Variants in CFDP1 observed in about 807,000 individuals in gnomAD.
CFDP1 encodes the protein heterochromatin-stabilizing protein CFDP1.
CFDP1 carries 31 observed loss-of-function variants against 40.1 expected under a neutral mutation model. The ratio of observed to expected loss-of-function variants is 0.77; its 90% CI spans 0.58 to 1.04. The LOEUF (loss-of-function observed/expected upper bound fraction) is 1.04. Ranked by LOEUF, CFDP1 falls within the 50% of genes least tolerant of loss-of-function variation. The pLI, the probability that CFDP1 is intolerant of heterozygous loss-of-function variation, is 0.00. For synonymous variants in CFDP1, 167 were observed against 120.0 expected, an observed-to-expected ratio of 1.39 and a Z score of -2.56; for missense variants, 423 against 343.4, an observed-to-expected ratio of 1.23 and a Z score of -1.83.
At chr16:75,337,500 C>T (rs1344866284) in intron 5 of CFDP1, among the ~76,000 whole-genome samples, 5 of 152,288 alleles carry the variant, frequency 3.3e-5, no homozygotes, top group South Asian at 2.1e-4. Context: ...TGTATTAGTC[C>T]GTTCTCACAC....
intron 4 of CFDP1, among the ~76,000 whole-genome samples, chr16:75,407,662 A>C (rs986929311): frequency 6.8e-6 from 1 of 147,222 alleles, no homozygotes; most frequent in African/African-American, 2.5e-5. Flanking sequence ...CTCAAAAAAA[A>C]AAAAAAAAAA....
intron 6 of CFDP1, among the ~76,000 whole-genome samples, chr16:75,296,604 C>T (rs879910321): frequency 2.6e-5 from 4 of 152,212 alleles, no homozygotes; most frequent in African/African-American, 4.8e-5. Context: ...AGGTCCTGCA[C>T]GTTCCCAGAA....
At chr16:75,394,993 TCA>T in intron 5 of CFDP1, 95 bp downstream of exon 5, 3 of 1,427,328 alleles carry the variant, frequency 2.1e-6, no homozygotes, top group Non-Finnish European at 2.9e-6. Context: ...ATTCTCTCTC[TCA>T]GGCAAGGAGT....
At chr16:75,359,491 T>C (rs566995911) in intron 5 of CFDP1, among the ~76,000 whole-genome samples, 3 of 152,350 alleles carry the variant, frequency 2.0e-5, no homozygotes, top group African/African-American at 7.2e-5. Context: ...TATTCAATGA[T>C]GCTGTTTTCC....
rs545468865 is a variant in CFDP1, at chr16:75,338,240, G to C, written c.651-33058C>G. On this transcript the variant is annotated intron_variant, in intron 5 of 6. Transcript: ENST00000283882. Reference sequence around the variant, plus strand: ...TCACTCTTGGGGAATGTGAAGCATGGGGGGGAAAAAGAGCCTCTGCCTGAG... The same window carrying C: ...TCACTCTTGGGGAATGTGAAGCATGCGGGGGAAAAAGAGCCTCTGCCTGAG... 2.3e-3 allele frequency among the ~76,000 whole-genome samples: 346 copies of C among 152,278 alleles called. 1 individual carries two copies. Among genetic ancestry groups the C allele is most frequent in the Non-Finnish European group, 4.0e-3 (270 of 68,030 alleles).
At chr16:75,404,211 G>A (rs556923430) in intron 4 of CFDP1, among the ~76,000 whole-genome samples, 2 of 151,348 alleles carry the variant, frequency 1.3e-5, no homozygotes, top group African/African-American at 4.8e-5. Flanking sequence ...GCCTTACAAT[G>A]AAGAATTCTG....
At chr16:75,369,999 CCTT>C (rs2078740239) in intron 5 of CFDP1, among the ~76,000 whole-genome samples, 1 of 152,182 alleles carries the variant, frequency 6.6e-6, no homozygotes, top group South Asian at 2.1e-4. Context: ...GTCTCAAACT[CCTT>C]ACCTCAAGTG....
intron 5 of CFDP1, among the ~76,000 whole-genome samples, chr16:75,390,861 A>G (rs2078943203): frequency 6.6e-6 from 1 of 152,182 alleles, no homozygotes; most frequent in Non-Finnish European, 1.5e-5. Flanking sequence ...GTAGTAATAG[A>G]GTCTCATTAT....
At chr16:75,393,592 G>A (rs935254919) in intron 5 of CFDP1, among the ~76,000 whole-genome samples, 2 of 151,292 alleles carry the variant, frequency 1.3e-5, no homozygotes, top group Non-Finnish European at 2.9e-5. Flanking sequence ...TTAGCCGGGC[G>A]CGGTGGCGGG....
chr16:75,430,979 G>T (rs1230191473), intron 1 of CFDP1, among the ~76,000 whole-genome samples: 1 of 152,136 alleles, frequency 6.6e-6, no homozygotes. Context: ...CCATTCAGAT[G>T]GTTGGGGGCG....
intron 5 of CFDP1, among the ~76,000 whole-genome samples, chr16:75,340,921 T>C (rs1395350678): frequency 2.0e-5 from 3 of 152,168 alleles, no homozygotes; most frequent in African/African-American, 7.2e-5. Context: ...CAGCTGGTAA[T>C]GGCTGGTTGT....
chr16:75,421,085 G>T (rs2079274434), intron 1 of CFDP1, among the ~76,000 whole-genome samples: 1 of 152,132 alleles, frequency 6.6e-6, no homozygotes, highest in Non-Finnish European at 1.5e-5. Flanking sequence ...CGGCCAGCCA[G>T]CAGACTAGGA....
intron 1 of CFDP1, among the ~76,000 whole-genome samples, chr16:75,432,898 C>T (rs1198131005): frequency 6.6e-6 from 1 of 152,004 alleles, no homozygotes; most frequent in African/African-American, 2.4e-5. Context: ...CTATCTTGGA[C>T]GGGGTGGTGG....
intron 4 of CFDP1, among the ~76,000 whole-genome samples, chr16:75,410,170 T>A (rs978300815): frequency 6.6e-6 from 1 of 151,512 alleles, no homozygotes; most frequent in African/African-American, 2.4e-5. Flanking sequence ...ACATTATTTT[T>A]AAGAATAACA....
chr16:75,378,641 C>T (rs781673250), intron 5 of CFDP1, among the ~76,000 whole-genome samples: 8 of 152,008 alleles, frequency 5.3e-5, no homozygotes, highest in Admixed American at 6.5e-5. Context: ...GTAAAACTGA[C>T]GATGAGGGAG....
At chr16:75,389,087 T>G in intron 5 of CFDP1, among the ~76,000 whole-genome samples, 1 of 152,126 alleles carries the variant, frequency 6.6e-6, no homozygotes, top group African/African-American at 2.4e-5. Flanking sequence ...AAGGGTAGGA[T>G]TACAAATTTT....
At chr16:75,397,810 T>A (rs11862719) in intron 4 of CFDP1, among the ~76,000 whole-genome samples, 78,596 of 151,760 alleles carry the variant, frequency 0.52, 21,396 homozygotes, top group Admixed American at 0.64. Context: ...TCTCAAAAAA[T>A]AAATAAATAA....
intron 5 of CFDP1, among the ~76,000 whole-genome samples, chr16:75,379,476 C>A (rs951512890): frequency 2.6e-5 from 4 of 152,072 alleles, no homozygotes; most frequent in African/African-American, 9.7e-5. Context: ...TAGACTAATT[C>A]CTCAAAAAAG....
At chr16:75,403,229 C>CT (rs2079070461) in intron 4 of CFDP1, among the ~76,000 whole-genome samples, 1 of 151,926 alleles carries the variant, frequency 6.6e-6, no homozygotes, top group African/African-American at 2.4e-5. Context: ...AAATTTATGA[C>CT]TTTTTTTGAG....
Sources: allele counts gnomAD v4.1 joint callset (sites outside exome capture counted in the v4.1 genomes callset), GRCh38; gene constraint gnomAD v4.1.1; transcripts MANE v1.5; gene names NCBI Gene and HGNC (gene_info 2026-07-23, HGNC 2026-07-21).